The following MYEF2 variants were observed in gnomAD, a reference collection of about 807,000 sequenced individuals.
The protein encoded by MYEF2 is myelin expression factor 2.
A neutral mutation model predicts 75.2 loss-of-function variants in MYEF2; 37 were observed. The ratio of observed to expected loss-of-function variants is 0.49; its 90% CI spans 0.38 to 0.65. The LOEUF (loss-of-function observed/expected upper bound fraction) is 0.65, where lower values mean the gene tolerates loss of function less well. Among genes scored for constraint, MYEF2 ranks in the 30% least tolerant of loss-of-function variants. The probability of loss-of-function intolerance (pLI) is 0.00; values close to 1 mark genes in which losing one functional copy is unlikely to be tolerated. For missense variants in MYEF2, 634 were observed against 771.4 expected (o/e 0.82, Z 2.11); for synonymous variants, 195 against 241.6 (o/e 0.81, Z 1.79).
In MYEF2 at chr15:48,138,418, A is replaced by G. The variant is rs1382582083; in HGVS notation, c.*4490T>C. Reference sequence around the variant, plus strand: ...TAAGGTTATTTCTATGAACTGTGGTAAAGTCTGAATTTAATAAATAAAATA... The same window carrying G: ...TAAGGTTATTTCTATGAACTGTGGTGAAGTCTGAATTTAATAAATAAAATA... On this transcript the variant is annotated 3_prime_UTR_variant, in exon 17 of 17. Coordinates refer to ENST00000324324, the MANE Select transcript of MYEF2 (RefSeq NM_016132.5). The G allele has an allele frequency of 6.6e-6, 1 of 152,186 alleles. No individual in the cohort carries two copies. Among genetic ancestry groups the G allele is most frequent in the Admixed American group, 6.5e-5 (1 of 15,276 alleles). 9.4% of individuals were successfully genotyped at this position (152,186 alleles called of 1,614,324 possible).
intron 16 of MYEF2, among the ~76,000 whole-genome samples, chr15:48,144,787 A>C (rs1339912429): frequency 6.6e-6 from 1 of 151,920 alleles, no homozygotes; most frequent in Non-Finnish European, 1.5e-5. Context: ...AAATGACAGC[A>C]CCTTACAGTT....
Position 48,136,991 on chromosome 15 carries a change from A to T in MYEF2, c.*5917T>A, listed in dbSNP as rs1177530321. 6.3e-7 allele frequency: 1 copy of T among 1,576,434 alleles called. No individual in the cohort carries two copies. The highest frequency in any genetic ancestry group is 1.4e-5 in the African/African-American group (1 of 73,378). On this transcript the variant is annotated 3_prime_UTR_variant, in exon 17 of 17. Coordinates refer to ENST00000324324, the MANE Select transcript of MYEF2 (RefSeq NM_016132.5). ...AATCACTAAATCTTGCCCATTATTA[A>T]GTCTATTCGCAAAGGAAAAACTTTA...
intron 16 of MYEF2, among the ~76,000 whole-genome samples, chr15:48,147,659 C>T (rs1275286717): frequency 2.0e-5 from 3 of 151,922 alleles, no homozygotes; most frequent in Non-Finnish European, 4.4e-5. Flanking sequence ...TTAGTGGTGA[C>T]TATTAACCAG....
chr15:48,153,882 C>T lies in MYEF2; in HGVS notation c.997G>A (p.Gly333Ser). The T allele has an allele frequency of 1.2e-6, 2 of 1,612,664 alleles. No homozygotes were observed. The highest frequency in any genetic ancestry group is 1.7e-6 in the Non-Finnish European group (2 of 1,179,214). ...KTPQLPRGLG[G>S]IGMGLGPGGQ... The stretch of plus-strand genomic sequence containing the variant: ...CCCGGACCAAGTCCCATCCCAATGC[C>T]TCCAAGACCACCTAAAACAAAAATG... The change falls in exon 10 of 17, where the codon GGC becomes AGC. Residue 333 changes from glycine (G) to serine (S), a missense_variant. Physicochemically the swap from Gly to Ser is moderately conservative, Grantham distance 56. Transcript: ENST00000324324.
intron 9 of MYEF2, among the ~76,000 whole-genome samples, chr15:48,155,189 T>C (rs1417371758): frequency 1.3e-5 from 2 of 152,012 alleles, no homozygotes; most frequent in African/African-American, 4.8e-5. Context: ...ATAAGGGGCA[T>C]GCCTGAAACA....
intron 1 of MYEF2, among the ~76,000 whole-genome samples, chr15:48,172,397 T>G (rs543478110): frequency 8.2e-6 from 1 of 122,134 alleles, no homozygotes; most frequent in East Asian, 2.3e-4. Flanking sequence ...CAAGACTCTG[T>G]ATCAAAAAAA....
Position 48,139,226 on chromosome 15 carries a change from A to C in MYEF2, c.*3682T>G. 6.8e-7 allele frequency: 1 copy of C among 1,473,764 alleles called. No homozygotes were observed. The allele number at this position is 1,473,764 out of a possible 1,614,324, so 91.3% of individuals were successfully genotyped here. On this transcript the variant is annotated 3_prime_UTR_variant, in exon 17 of 17. Coordinates refer to ENST00000324324, the MANE Select transcript of MYEF2 (RefSeq NM_016132.5). Reference sequence around the variant, plus strand: ...AACTTGAAAATATTCATATAAGAACAAATTGCATATGTTCACTCAAAGTAG... The same window carrying C: ...AACTTGAAAATATTCATATAAGAACCAATTGCATATGTTCACTCAAAGTAG...
Position 48,150,715 on chromosome 15 carries a change from T to C in MYEF2, c.1378+385A>G, listed in dbSNP as rs905520339. ...CTATATCTGCATTTACCAAAAGACATAGATGTTTACAAATAAAATAAGCTA... is the reference window on the plus strand; with the variant it reads ...CTATATCTGCATTTACCAAAAGACACAGATGTTTACAAATAAAATAAGCTA... On this transcript the variant is annotated intron_variant, in intron 14 of 16. Transcript: ENST00000324324. Among the ~76,000 whole-genome samples, 6 of 151,930 alleles carry C rather than the reference T, an allele frequency of 3.9e-5. No individual in the cohort carries two copies. In the East Asian group the frequency reaches 7.7e-4, roughly 20 times the overall value.
At chr15:48,148,991 A>G (rs1455873264) in intron 16 of MYEF2, 41 bp downstream of exon 16, 2 of 1,604,514 alleles carry the variant, frequency 1.2e-6, no homozygotes, top group South Asian at 2.2e-5. Flanking sequence ...ATTTTCCTCC[A>G]TAATCAATAT....
At chr15:48,152,005 G>T in intron 11 of MYEF2, 63 bp from the exon 12 acceptor site, 1 of 1,525,750 alleles carries the variant, frequency 6.6e-7, no homozygotes, top group Non-Finnish European at 9.1e-7. Context: ...GGTACGTTTT[G>T]TAAATGTTAA....
At chr15:48,174,391 A>AT (rs34660334) in intron 1 of MYEF2, among the ~76,000 whole-genome samples, 6 of 146,644 alleles carry the variant, frequency 4.1e-5, no homozygotes, top group South Asian at 4.3e-4. Flanking sequence ...CTTGGCAATG[A>AT]TTTTTTTTTT....
chr15:48,177,527 C>G (rs2040583454), intron 1 of MYEF2, among the ~76,000 whole-genome samples: 2 of 152,110 alleles, frequency 1.3e-5, no homozygotes, highest in Non-Finnish European at 1.5e-5. Flanking sequence ...TCTAACAGCA[C>G]ATTATTAAAC....
intron 1 of MYEF2, among the ~76,000 whole-genome samples, chr15:48,172,553 A>G (rs1000996211): frequency 6.6e-6 from 1 of 152,010 alleles, no homozygotes; most frequent in African/African-American, 2.4e-5. Context: ...AATAGAAAAG[A>G]TCAATAAAAT....
At position 48,134,652 on chromosome 15, in the gene MYEF2, A is replaced by T. The variant is rs2038852194; in HGVS notation, c.*8256T>A. 1.3e-6 allele frequency: 1 copy of T among 794,592 alleles called. No individual in the cohort carries two copies. Among genetic ancestry groups the T allele is most frequent in the East Asian group, 2.6e-5 (1 of 38,100 alleles). The allele number at this position is 794,592 out of a possible 1,614,324, so 49.2% of individuals were successfully genotyped here. On this transcript the variant is annotated 3_prime_UTR_variant, in exon 17 of 17. Coordinates refer to ENST00000324324, the MANE Select transcript of MYEF2 (RefSeq NM_016132.5). ...AATAATATGTGCAATCAAATTTATT[A>T]ATCAGTAGAAAAACAACATGTATTC...
intron 2 of MYEF2, among the ~76,000 whole-genome samples, chr15:48,167,906 T>C (rs1321808304): frequency 2.0e-5 from 3 of 151,914 alleles, no homozygotes; most frequent in South Asian, 2.1e-4. Context: ...ACCAATCAAA[T>C]AGTTGTCACC....
At chr15:48,165,215 C>T (rs373337914) in intron 5 of MYEF2, among the ~76,000 whole-genome samples, 13 of 152,220 alleles carry the variant, frequency 8.5e-5, no homozygotes, top group African/African-American at 2.9e-4. Context: ...TCTTTTAACA[C>T]AGACTTTAGC....
chr15:48,171,174 T>G (rs1002430104), intron 1 of MYEF2, among the ~76,000 whole-genome samples: 1 of 152,218 alleles, frequency 6.6e-6, no homozygotes, highest in Non-Finnish European at 1.5e-5. Flanking sequence ...CAAACCTTTC[T>G]TTTCAATTCC....
Position 48,149,371 on chromosome 15 carries a change from C to T in MYEF2, c.1379G>A (p.Ser460Asn), listed in dbSNP as rs749781368. The change falls in exon 15 of 17, where the codon AGT becomes AAT. Residue 460 changes from serine to asparagine, a missense_variant and splice_region_variant. Transcript: ENST00000324324. The surrounding 1 kb of genome is among the most constrained non-coding windows in gnomAD (Gnocchi z 4.0). ...SNMGPVGSGI[S>N]GGMGSMNSVT... ...ACTGTTCATGCTACCCATTCCACCA[C>T]CTGGATTTTCAAGAAAGGACGGGGG... is the stretch of plus-strand genomic sequence containing the variant. The T allele has an allele frequency of 1.9e-6, 3 of 1,611,772 alleles. No homozygotes were observed. The highest frequency in any genetic ancestry group is 2.5e-6 in the Non-Finnish European group (3 of 1,178,620).
rs2038969038 is a variant in MYEF2, at chr15:48,138,877, C to A, written c.*4031G>T. ...AACAGCCTTTTAAAAACTGATACAG[C>A]TAATTTATTTCAATATAACTTTCTA... On this transcript the variant is annotated 3_prime_UTR_variant, in exon 17 of 17. Transcript: ENST00000324324. The A allele has an allele frequency of 4.3e-6, 4 of 920,842 alleles. No homozygotes were observed. The highest frequency in any genetic ancestry group is 2.5e-5 in the Admixed American group (1 of 39,722). 57.0% of individuals were successfully genotyped at this position (920,842 alleles called of 1,614,324 possible). A position where few individuals can be genotyped will look rare whatever the true frequency, so the allele number is the denominator to read the frequency against.
Sources: gnomAD v4.1 joint callset for allele counts (sites outside exome capture counted in the v4.1 genomes callset) on GRCh38, gnomAD v4.1.1 for gene constraint, Gnocchi (gnomAD v3.1) non-coding constraint, MANE v1.5 for transcripts, NCBI Gene and HGNC (gene_info 2026-07-23, HGNC 2026-07-21) for gene names.